BICC1: variants seen among roughly 807,000 people sequenced by gnomAD.
BICC1 encodes the protein BicC family RNA binding protein 1, also known as protein bicaudal C homolog 1.
Under a neutral mutation model 111.0 loss-of-function variants are expected in BICC1, and 43 were observed. The observed-to-expected ratio is 0.39, with a 90% CI of 0.30 to 0.50. The LOEUF is 0.50. Among genes scored for constraint, BICC1 ranks in the 20% least tolerant of loss-of-function variants. BICC1 has a pLI of 0.88. For synonymous variants in BICC1, 467 were observed against 434.4 expected, an observed-to-expected ratio of 1.07 and a Z score of -0.93; for missense variants, 1,091 against 1,203.2, an observed-to-expected ratio of 0.91 and a Z score of 1.38.
At position 58,558,429 on chromosome 10, in the gene BICC1, G is replaced by T. The variant is rs865875414; in HGVS notation, c.190+45096G>T. Among the ~76,000 whole-genome samples, 8 of 152,002 alleles carry T rather than the reference G, an allele frequency of 5.3e-5. No homozygotes were observed. The South Asian group carries it at 6.2e-4, about 12-fold the overall frequency. On this transcript the variant is annotated intron_variant, in intron 1 of 20. Coordinates refer to ENST00000373886, the MANE Select transcript of BICC1 (RefSeq NM_001080512.3). The stretch of plus-strand genomic sequence containing the variant: ...CTTCATGCTTTTCGCGTCACAATCT[G>T]TAAGTTCTCCTGGCAATAAGCTGGT...
At chr10:58,620,775 A>G in intron 1 of BICC1, 80 bp from the exon 2 acceptor site, 3 of 1,375,896 alleles carry the variant, frequency 2.2e-6, no homozygotes, top group Non-Finnish European at 3.0e-6. Context: ...TTGCTTTTGC[A>G]TTCTCATATC....
At chr10:58,721,836 G>C (rs1840948761) in intron 3 of BICC1, among the ~76,000 whole-genome samples, 1 of 152,158 alleles carries the variant, frequency 6.6e-6, no homozygotes, top group Non-Finnish European at 1.5e-5. Context: ...ACTATGATGT[G>C]GCTCCTGCCA....
chr10:58,668,410 C>T (rs1389580764), intron 2 of BICC1, among the ~76,000 whole-genome samples: 1 of 151,922 alleles, frequency 6.6e-6, no homozygotes, highest in Non-Finnish European at 1.5e-5. Context: ...CAGATGAATT[C>T]ACAGTGCTCT....
chr10:58,539,197 T>G (rs1255899430), intron 1 of BICC1, among the ~76,000 whole-genome samples: 1 of 151,866 alleles, frequency 6.6e-6, no homozygotes, highest in Non-Finnish European at 1.5e-5. Context: ...TGTAGAATAC[T>G]ACTCAGCCAT....
chr10:58,537,450 A>G (rs1687499059), intron 1 of BICC1, among the ~76,000 whole-genome samples: 1 of 151,850 alleles, frequency 6.6e-6, no homozygotes. Flanking sequence ...TATGATAAAA[A>G]TTCTCAACAA....
At position 58,578,726 on chromosome 10, in the gene BICC1, C is replaced by T. The variant is rs192717445; in HGVS notation, c.191-42129C>T. ...TAATTGCGAGAGAGGCACAGGATCT[C>T]GTTACCCTATCCCCTCGCCCCTCAT... On this transcript the variant is annotated intron_variant, in intron 1 of 20. Coordinates refer to ENST00000373886, the MANE Select transcript of BICC1 (RefSeq NM_001080512.3). Among the ~76,000 whole-genome samples the T allele has an allele frequency of 3.6e-4, 55 of 152,244 alleles. No homozygotes were observed. The East Asian group carries it at 7.2e-3, about 20-fold the overall frequency.
At chr10:58,802,119 A>G (rs1436756537) in intron 14 of BICC1, among the ~76,000 whole-genome samples, 2 of 152,152 alleles carry the variant, frequency 1.3e-5, no homozygotes, top group African/African-American at 4.8e-5. Context: ...TCTGGCTTCA[A>G]ATCACCAATG....
intron 2 of BICC1, among the ~76,000 whole-genome samples, chr10:58,673,911 A>G (rs1473779639): frequency 6.6e-6 from 1 of 151,728 alleles, no homozygotes; most frequent in Non-Finnish European, 1.5e-5. Context: ...GATTACAGGT[A>G]TGAGCCACCA....
At position 58,561,123 on chromosome 10, in the gene BICC1, A is replaced by T. The variant is rs368829186; in HGVS notation, c.190+47790A>T. On this transcript the variant is annotated intron_variant, in intron 1 of 20. Transcript: ENST00000373886. ...TCTAGATGACCTGTTCAATATTGAC[A>T]GTAGAGTGTTGAAGTCCTCAACTAT... Among the ~76,000 whole-genome samples the T allele has an allele frequency of 7.2e-5, 11 of 152,144 alleles. No individual in the cohort carries two copies. The East Asian group carries it at 1.5e-3, about 21-fold the overall frequency.
rs11006272 is a variant in BICC1, at chr10:58,829,323, A to C, written c.*432A>C. On this transcript the variant is annotated 3_prime_UTR_variant, in exon 21 of 21. Transcript: ENST00000373886. ...GGTATTTGGGGATTTTTAAAAAATA[A>C]TCAAAGTGGAATTTTCTGGTACTGC... is the stretch of plus-strand genomic sequence containing the variant. 1 of 151,618 alleles carries C rather than the reference A, an allele frequency of 6.6e-6. No homozygotes were observed. The highest frequency in any genetic ancestry group is 2.4e-5 in the African/African-American group (1 of 41,128). 9.4% of individuals were successfully genotyped at this position (151,618 alleles called of 1,614,324 possible).
At chr10:58,677,261 A>G (rs1839374911) in intron 2 of BICC1, among the ~76,000 whole-genome samples, 1 of 152,208 alleles carries the variant, frequency 6.6e-6, no homozygotes, top group Non-Finnish European at 1.5e-5. Context: ...CTCCAAGCTA[A>G]AGGAGCATGT....
upstream of BICC1, among the ~76,000 whole-genome samples, chr10:58,512,811 C>T (rs1842123901): frequency 6.7e-6 from 1 of 150,272 alleles, no homozygotes; most frequent in Admixed American, 6.6e-5. Context: ...GCTGTAGGGG[C>T]GGCGGGCGGG....
Position 58,615,484 on chromosome 10 carries a change from C to T in BICC1, c.191-5371C>T, listed in dbSNP as rs1401323654. On this transcript the variant is annotated intron_variant, in intron 1 of 20. Coordinates refer to ENST00000373886, the MANE Select transcript of BICC1 (RefSeq NM_001080512.3). Reference sequence around the variant, plus strand: ...CACCCACATGAGCTCGTGCTTTGCTCAGAGCCACTATTGTCTGTAAAAGGT... The same window carrying T: ...CACCCACATGAGCTCGTGCTTTGCTTAGAGCCACTATTGTCTGTAAAAGGT... Among the ~76,000 whole-genome samples, 11 of 152,314 alleles carry T rather than the reference C, an allele frequency of 7.2e-5. No homozygotes were observed. In the East Asian group the frequency reaches 1.9e-3, roughly 27 times the overall value.
chr10:58,621,388 A>AGGTACT (rs1845801067), intron 2 of BICC1, among the ~76,000 whole-genome samples: 2 of 152,340 alleles, frequency 1.3e-5, no homozygotes, highest in East Asian at 3.9e-4. Flanking sequence ...AGGCTGATGC[A>AGGTACT]GTTTAGGTAC....
chr10:58,743,918 G>A (rs1841749807), intron 3 of BICC1, among the ~76,000 whole-genome samples: 1 of 151,940 alleles, frequency 6.6e-6, no homozygotes, highest in African/African-American at 2.4e-5. Flanking sequence ...TTTTCAAATG[G>A]TTTCTCCTAG....
intron 1 of BICC1, among the ~76,000 whole-genome samples, chr10:58,522,743 C>CA (rs1842425497): frequency 1.3e-5 from 2 of 151,912 alleles, no homozygotes; most frequent in Admixed American, 6.6e-5. Context: ...AAAAACCCTT[C>CA]AAAAAATCAG....
At position 58,589,095 on chromosome 10, in the gene BICC1, G is replaced by C. The variant is rs118136436; in HGVS notation, c.191-31760G>C. ...ACCGGTGACACCGGTGACGGTGATT[G>C]GTGGGTGAATACCATCTCTGCAGTC... is the stretch of plus-strand genomic sequence containing the variant. On this transcript the variant is annotated intron_variant, in intron 1 of 20. Transcript: ENST00000373886. Among the ~76,000 whole-genome samples, 6 of 152,296 alleles carry C rather than the reference G, an allele frequency of 3.9e-5. No individual in the cohort carries two copies. The East Asian group carries it at 7.7e-4, about 20-fold the overall frequency.
intron 1 of BICC1, among the ~76,000 whole-genome samples, chr10:58,516,963 T>G (rs947585460): frequency 6.6e-6 from 1 of 152,188 alleles, no homozygotes; most frequent in African/African-American, 2.4e-5. Context: ...GCCAGAGTAC[T>G]GAGGCAATCA....
Position 58,814,340 on chromosome 10 carries a change from C to T in BICC1, c.2533+354C>T, listed in dbSNP as rs942575822. Reference sequence around the variant, plus strand: ...CATGTGTCAAGTATTCTGTTATGCTCTGCCTTATTGGATATTTCTTCCCAA... The same window carrying T: ...CATGTGTCAAGTATTCTGTTATGCTTTGCCTTATTGGATATTTCTTCCCAA... On this transcript the variant is annotated intron_variant, in intron 18 of 20. Coordinates refer to ENST00000373886, the MANE Select transcript of BICC1 (RefSeq NM_001080512.3). 6 of 563,252 alleles carry T rather than the reference C, an allele frequency of 1.1e-5. No individual in the cohort carries two copies. In the African/African-American group the frequency reaches 1.1e-4, roughly 11 times the overall value. 34.9% of individuals were successfully genotyped at this position (563,252 alleles called of 1,614,324 possible).
Sources: gnomAD v4.1 joint callset for allele counts (sites outside exome capture counted in the v4.1 genomes callset) on GRCh38, gnomAD v4.1.1 for gene constraint, MANE v1.5 for transcripts, NCBI Gene and HGNC (gene_info 2026-07-23, HGNC 2026-07-21) for gene names.